Variants in EML4 observed in about 807,000 individuals in gnomAD.
The protein encoded by EML4 is EMAP like 4, also known as echinoderm microtubule-associated protein-like 4.
EML4 carries 72 observed loss-of-function variants against 129.0 expected under a neutral mutation model. The observed-to-expected ratio is 0.56, with a 90% CI of 0.46 to 0.68. The LOEUF (loss-of-function observed/expected upper bound fraction) is 0.68, where lower values mean the gene tolerates loss of function less well. Among genes scored for constraint, EML4 ranks in the 30% least tolerant of loss-of-function variants. The probability of loss-of-function intolerance (pLI) is 0.00; values close to 1 mark genes in which losing one functional copy is unlikely to be tolerated. For synonymous variants in EML4, 532 were observed against 405.0 expected, an observed-to-expected ratio of 1.31 and a Z score of -3.77; for missense variants, 1,363 against 1,190.6, an observed-to-expected ratio of 1.14 and a Z score of -2.13.
chr2:42,274,592 C>T (rs933273259), intron 6 of EML4, among the ~76,000 whole-genome samples: 6 of 152,098 alleles, frequency 3.9e-5, no homozygotes, highest in Non-Finnish European at 7.4e-5. Context: ...AATTTGTGAA[C>T]GATTAATACT....
At chr2:42,325,927 G>A (rs1048160396) in intron 20 of EML4, 4 of 173,136 alleles carry the variant, frequency 2.3e-5, no homozygotes, top group African/African-American at 9.6e-5. Flanking sequence ...TGATAGATGG[G>A]CATTTATGCT....
At chr2:42,249,322 A>C (rs1440938413) in intron 2 of EML4, among the ~76,000 whole-genome samples, 1 of 152,114 alleles carries the variant, frequency 6.6e-6, no homozygotes, top group Non-Finnish European at 1.5e-5. Flanking sequence ...ATTAGAATTT[A>C]TAGTATCGAG....
At chr2:42,293,434 G>A (rs1221665934) in intron 11 of EML4, among the ~76,000 whole-genome samples, 1 of 152,036 alleles carries the variant, frequency 6.6e-6, no homozygotes, top group Non-Finnish European at 1.5e-5. Flanking sequence ...TTTTATTTAT[G>A]TGCTTATGCA....
In EML4 at chr2:42,317,475, A is replaced by G. The variant is rs371037196; in HGVS notation, c.2105A>G (p.Tyr702Cys). ...VGSHDNFIYL[Y>C]VVSENGRKYS... ...TCTCATGACAACTTTATTTACCTCT[A>G]TGTAGTCTCTGAAAATGGAAGAAAA... Residue 702 changes from tyrosine (Y) to cysteine (C), a missense_variant, in exon 19 of 23, where the codon TAT (tyrosine) becomes TGT (cysteine). By Grantham distance (194) the Tyr-to-Cys change is radical. Transcript: ENST00000318522. The G allele has an allele frequency of 1.3e-5, 21 of 1,612,904 alleles. No homozygotes were observed. The highest frequency in any genetic ancestry group is 2.7e-5 in the African/African-American group (2 of 74,896).
At chr2:42,241,246 G>C (rs1328180040) in intron 1 of EML4, among the ~76,000 whole-genome samples, 10 of 152,166 alleles carry the variant, frequency 6.6e-5, no homozygotes, top group Non-Finnish European at 1.5e-5. Flanking sequence ...AATTCTCAAA[G>C]AAATTCATGC....
At chr2:42,260,053 C>CA (rs1665628002) in intron 3 of EML4, among the ~76,000 whole-genome samples, 1 of 149,224 alleles carries the variant, frequency 6.7e-6, no homozygotes, top group South Asian at 2.1e-4. Context: ...TTTAAAGAGA[C>CA]AGAGTCTCAC....
chr2:42,267,062 C>T (rs919785485), intron 6 of EML4, among the ~76,000 whole-genome samples: 3 of 152,080 alleles, frequency 2.0e-5, no homozygotes, highest in African/African-American at 7.2e-5. Context: ...GTGGTTTTAC[C>T]ATTGACTTAG....
intron 1 of EML4, among the ~76,000 whole-genome samples, chr2:42,189,213 G>C (rs1323626532): frequency 2.0e-5 from 3 of 152,096 alleles, no homozygotes; most frequent in Admixed American, 2.0e-4. Flanking sequence ...AGTTACTGTG[G>C]GGAGCACCTG....
chr2:42,245,077 G>GTTTTGAA (rs1302758603), intron 1 of EML4, among the ~76,000 whole-genome samples: 1 of 70,530 alleles, frequency 1.4e-5, no homozygotes, highest in Admixed American at 1.6e-4. Flanking sequence ...GGAGTTTTTT[G>GTTTTGAA]TTTTGAAATT....
At chr2:42,188,324 T>G (rs2103883494) in intron 1 of EML4, among the ~76,000 whole-genome samples, 1 of 152,280 alleles carries the variant, frequency 6.6e-6, no homozygotes, top group Middle Eastern at 3.4e-3. Context: ...TGGGCTCAGG[T>G]GATCCTCCCA....
intron 19 of EML4, among the ~76,000 whole-genome samples, chr2:42,323,749 TGTG>T (rs941911539): frequency 2.8e-5 from 4 of 143,048 alleles, no homozygotes; most frequent in Admixed American, 1.4e-4. Context: ...GCCTGGCTAA[TGTG>T]GTGAAACCCC....
At position 42,316,062 on chromosome 2, in the gene EML4, TACTCCC is replaced by T. The variant is rs1397745267; in HGVS notation, c.2056+15_2056+20del. 3.8e-6 allele frequency: 6 copies of T among 1,586,156 alleles called. No homozygotes were observed. The highest frequency in any genetic ancestry group is 4.3e-6 in the Non-Finnish European group (5 of 1,155,372). ...GCGCTACTCAATAGGTAGGCAAATT[TACTCCC>T]ACCTCCCAAGCATGGCATTCACAGC... On this transcript the variant is annotated intron_variant, in intron 18 of 22. Transcript: ENST00000318522.
At chr2:42,257,631 C>A (rs927944999) in intron 3 of EML4, among the ~76,000 whole-genome samples, 1 of 151,972 alleles carries the variant, frequency 6.6e-6, no homozygotes, top group Non-Finnish European at 1.5e-5. Flanking sequence ...GTCAGGAGAT[C>A]GAGACCATCC....
intron 6 of EML4, among the ~76,000 whole-genome samples, chr2:42,277,135 A>G (rs528879589): frequency 2.0e-5 from 3 of 152,290 alleles, no homozygotes; most frequent in South Asian, 2.1e-4. Context: ...AGAAGCATCT[A>G]TTAAATGTCT....
At chr2:42,322,984 T>A (rs1449263968) in intron 19 of EML4, among the ~76,000 whole-genome samples, 1 of 152,194 alleles carries the variant, frequency 6.6e-6, no homozygotes, top group African/African-American at 2.4e-5. Flanking sequence ...GAGAATACTT[T>A]ATGTTGATTT....
At chr2:42,259,794 A>G (rs1325478078) in intron 3 of EML4, among the ~76,000 whole-genome samples, 3 of 140,294 alleles carry the variant, frequency 2.1e-5, no homozygotes, top group East Asian at 2.1e-4. Flanking sequence ...CAGTGGCGCA[A>G]TCTCGGCTCA....
intron 21 of EML4, among the ~76,000 whole-genome samples, chr2:42,326,606 G>A (rs1166469734): frequency 6.6e-6 from 1 of 152,192 alleles, no homozygotes; most frequent in East Asian, 1.9e-4. Flanking sequence ...TTCAGGCTGG[G>A]CGCAGTGGCT....
intron 1 of EML4, among the ~76,000 whole-genome samples, chr2:42,198,939 A>G (rs1450485380): frequency 6.6e-6 from 1 of 152,202 alleles, no homozygotes; most frequent in Non-Finnish European, 1.5e-5. Flanking sequence ...GGACTTGACA[A>G]AGGAGAGTGG....
intron 6 of EML4, among the ~76,000 whole-genome samples, chr2:42,275,156 T>A (rs1480290210): frequency 6.6e-6 from 1 of 152,218 alleles, no homozygotes; most frequent in Non-Finnish European, 1.5e-5. Flanking sequence ...ACAAGTAATA[T>A]TAAGTTTTAA....
Sources: gnomAD v4.1 joint callset for allele counts (sites outside exome capture counted in the v4.1 genomes callset) on GRCh38, gnomAD v4.1.1 for gene constraint, MANE v1.5 for transcripts, NCBI Gene and HGNC (gene_info 2026-07-23, HGNC 2026-07-21) for gene names.